Variants in SYN3 observed in about 807,000 individuals in gnomAD.
SYN3 encodes the protein synapsin-3.
Under a neutral mutation model 65.8 loss-of-function variants are expected in SYN3, and 35 were observed. That is an observed-to-expected ratio of 0.53 (90% CI 0.41 to 0.70). The LOEUF is 0.70. SYN3 is among the 30% of genes least tolerant of loss of function. The pLI is 0.00. For missense variants in SYN3, 680 were observed against 749.0 expected (o/e 0.91, Z 1.08); for synonymous variants, 270 against 292.9 (o/e 0.92, Z 0.80).
chr22:32,904,210 C>G (rs191794671), intron 4 of SYN3, among the ~76,000 whole-genome samples: 2 of 152,312 alleles, frequency 1.3e-5, no homozygotes, highest in South Asian at 2.1e-4. Flanking sequence ...TCCCAGCAGG[C>G]CTTGTGGTTG....
intron 6 of SYN3, among the ~76,000 whole-genome samples, chr22:32,826,465 A>T (rs2047416420): frequency 6.6e-6 from 1 of 152,144 alleles, no homozygotes; most frequent in African/African-American, 2.4e-5. Flanking sequence ...AAATTTAAAA[A>T]GGTAATAATG....
At chr22:32,769,973 C>T (rs1602104818) in intron 6 of SYN3, among the ~76,000 whole-genome samples, 1 of 152,148 alleles carries the variant, frequency 6.6e-6, no homozygotes, top group Admixed American at 6.5e-5. Flanking sequence ...TAACATGTCC[C>T]ATTGGAGGCC....
In SYN3 at chr22:32,741,984, C is replaced by T. The variant is rs150280654; in HGVS notation, c.711+122931G>A. 2.0e-4 allele frequency among the ~76,000 whole-genome samples: 31 copies of T among 152,132 alleles called. No individual in the cohort carries two copies. The East Asian group carries it at 5.4e-3, about 27-fold the overall frequency. ...TTTTCCAGACAGGAAGTTAAAGCAC[C>T]AAGCCCTGGCCGGGCGCGGTGGCTC... On this transcript the variant is annotated intron_variant, in intron 6 of 13. Transcript: ENST00000358763.
intron 13 of SYN3, among the ~76,000 whole-genome samples, chr22:32,516,350 T>G (rs2097313): frequency 0.54 from 73,390 of 135,300 alleles, 21,321 homozygotes; most frequent in East Asian, 0.87. Context: ...ATCTTTGATT[T>G]ATTTATTTAT....
chr22:32,807,429 A>C (rs2046795021), intron 6 of SYN3, among the ~76,000 whole-genome samples: 1 of 130,444 alleles, frequency 7.7e-6, no homozygotes. Context: ...TATATTATAT[A>C]TATAATATAT....
intron 7 of SYN3, 91 bp from the exon 8 acceptor site, chr22:32,541,804 C>T (rs566096030): frequency 6.9e-5 from 100 of 1,451,412 alleles, no homozygotes; most frequent in Admixed American, 1.3e-4. Flanking sequence ...TCTATAGACA[C>T]GAATTCCCTT....
chr22:32,763,550 C>T (rs549054204), intron 6 of SYN3, among the ~76,000 whole-genome samples: 31 of 152,276 alleles, frequency 2.0e-4, no homozygotes, highest in Non-Finnish European at 4.0e-4. Context: ...CTGTTTATTT[C>T]CATTTTACAG....
intron 3 of SYN3, among the ~76,000 whole-genome samples, chr22:32,972,800 C>G (rs763909032): frequency 4.0e-5 from 6 of 151,756 alleles, no homozygotes; most frequent in Non-Finnish European, 7.4e-5. Context: ...CATGACCAGC[C>G]TAGGCAACAT....
At chr22:32,894,886 T>G (rs2049547934) in intron 4 of SYN3, among the ~76,000 whole-genome samples, 1 of 152,188 alleles carries the variant, frequency 6.6e-6, no homozygotes. Flanking sequence ...AAGTAGGAGT[T>G]GTGAGTAGGA....
intron 4 of SYN3, among the ~76,000 whole-genome samples, chr22:32,903,019 A>G (rs1387927306): frequency 1.3e-5 from 2 of 152,204 alleles, no homozygotes; most frequent in African/African-American, 4.8e-5. Flanking sequence ...TCAGAATCAC[A>G]GTCTTAAAAA....
chr22:32,909,781 C>T (rs1247486709), intron 4 of SYN3, among the ~76,000 whole-genome samples: 2 of 152,092 alleles, frequency 1.3e-5, no homozygotes, highest in African/African-American at 4.8e-5. Flanking sequence ...CAAGTCCGAC[C>T]ATCACGGCGA....
At position 32,915,443 on chromosome 22, in the gene SYN3, GGGCTGTTAAAAAATAAAGCAGGATGAC is replaced by G. The variant is rs1295639693; in HGVS notation, c.461+15920_461+15946del. On this transcript the variant is annotated intron_variant, in intron 4 of 13. Transcript: ENST00000358763. ...TAAGCAAGCATAGCAGTAGCAATGA[GGGCTGTTAAAAAATAAAGCAGGATGAC>G]GGTATAGAGATCCACCTGTGTTATT... 7.9e-4 allele frequency among the ~76,000 whole-genome samples: 121 copies of G among 152,252 alleles called. 1 individual carries two copies. The highest frequency in any genetic ancestry group is 2.9e-4 in the Non-Finnish European group (20 of 68,024).
chr22:32,692,155 C>CAAAAAAAAAAAAAAAAAAAAAA (rs1188224009), intron 6 of SYN3, among the ~76,000 whole-genome samples: 30 of 34,464 alleles, frequency 8.7e-4, no homozygotes, highest in Admixed American at 1.3e-3. Flanking sequence ...GACAAAAAGA[C>CAAAAAAAAAAAAAAAAAAAAAA]AAAAAAAAAA....
intron 6 of SYN3, among the ~76,000 whole-genome samples, chr22:32,654,325 A>G (rs1218579361): frequency 1.3e-5 from 2 of 152,112 alleles, no homozygotes; most frequent in Non-Finnish European, 2.9e-5. Flanking sequence ...TCACTCTGCC[A>G]CATGTGTCTT....
At chr22:32,796,897 T>C (rs1004098376) in intron 6 of SYN3, among the ~76,000 whole-genome samples, 1 of 152,156 alleles carries the variant, frequency 6.6e-6, no homozygotes, top group Non-Finnish European at 1.5e-5. Flanking sequence ...AAACCAATGA[T>C]TCACAACTAT....
At chr22:32,602,830 C>T (rs902830172) in intron 6 of SYN3, among the ~76,000 whole-genome samples, 1 of 152,158 alleles carries the variant, frequency 6.6e-6, no homozygotes, top group Admixed American at 6.5e-5. Flanking sequence ...TATTAATAGA[C>T]ATTTGTGTTA....
At chr22:32,586,373 G>A (rs1569066125) in intron 7 of SYN3, among the ~76,000 whole-genome samples, 1 of 152,128 alleles carries the variant, frequency 6.6e-6, no homozygotes. Flanking sequence ...TCTGCTGAAA[G>A]ACATTTTAAT....
At chr22:32,783,744 C>T in intron 6 of SYN3, among the ~76,000 whole-genome samples, 1 of 152,188 alleles carries the variant, frequency 6.6e-6, no homozygotes, top group African/African-American at 2.4e-5. Flanking sequence ...CCCTAATCTA[C>T]CACCTGGCAG....
chr22:32,895,982 C>T (rs1462901862), intron 4 of SYN3, among the ~76,000 whole-genome samples: 1 of 152,106 alleles, frequency 6.6e-6, no homozygotes, highest in Non-Finnish European at 1.5e-5. Flanking sequence ...ACGTAAGGCC[C>T]TTAGAATAGT....
Sources: gnomAD v4.1 joint callset for allele counts (sites outside exome capture counted in the v4.1 genomes callset) on GRCh38, gnomAD v4.1.1 for gene constraint, MANE v1.5 for transcripts, NCBI Gene and HGNC (gene_info 2026-07-23, HGNC 2026-07-21) for gene names.